CUL9: variants seen among roughly 807,000 people sequenced by gnomAD.
The protein encoded by CUL9 is cullin-9.
Under a neutral mutation model 272.6 loss-of-function variants are expected in CUL9, and 79 were observed. The observed-to-expected ratio is 0.29, with a 90% confidence interval of 0.24 to 0.35. The LOEUF is 0.35. CUL9 is among the 10% of genes least tolerant of loss of function. CUL9 has a pLI of 1.00. For missense variants in CUL9, 2,532 were observed against 3,255.6 expected (o/e 0.78, Z 5.41); for synonymous variants, 1,186 against 1,286.5 (o/e 0.92, Z 1.67).
Position 43,188,551 on chromosome 6 carries a change from T to C in CUL9, c.2016T>C (p.Gly672=). 6.2e-7 allele frequency: 1 copy of C among 1,612,514 alleles called. No individual in the cohort carries two copies. Among genetic ancestry groups the C allele is most frequent in the Non-Finnish European group, 8.5e-7 (1 of 1,179,254 alleles). The part of the protein sequence containing the change: ...SEMARALRGP[G]PRSSLDQHVA... ...TGGCCAGAGCCTTGCGGGGTCCCGGTCCTCGCAGCTCCCTGGATCAGCATG... is the reference window on the plus strand; with the variant it reads ...TGGCCAGAGCCTTGCGGGGTCCCGGCCCTCGCAGCTCCCTGGATCAGCATG... The change falls in exon 8 of 41, where the codon GGT becomes GGC. Residue 672 remains glycine, a synonymous_variant. Transcript: ENST00000252050.
intron 1 of CUL9, among the ~76,000 whole-genome samples, chr6:43,183,435 C>T (rs1408618383): frequency 1.3e-5 from 2 of 152,150 alleles, no homozygotes; most frequent in Non-Finnish European, 2.9e-5. Flanking sequence ...CATGGCCCAC[C>T]CTTTACATCC....
chr6:43,186,262 T>C lies in CUL9; in HGVS notation c.1058T>C (p.Val353Ala). Reference protein sequence around the residue: ...SGPSLLLPTIVTTPRRQGWVF... With the variant: ...SGPSLLLPTIATTPRRQGWVF... Reference sequence around the variant, plus strand: ...CCCAGCCTTTTACTCCCCACCATTGTCACCACCCCCAGAAGACAAGGGTGG... The same window carrying C: ...CCCAGCCTTTTACTCCCCACCATTGCCACCACCCCCAGAAGACAAGGGTGG... Residue 353 changes from valine (V) to alanine (A), a missense_variant, in exon 4 of 41, where the codon GTC (valine) becomes GCC (alanine). Physicochemically the swap from Val to Ala is moderately conservative, Grantham distance 64. Coordinates refer to ENST00000252050, the MANE Select transcript of CUL9 (RefSeq NM_015089.4). 1 of 1,614,192 alleles carries C rather than the reference T, an allele frequency of 6.2e-7. No individual in the cohort carries two copies. Among genetic ancestry groups the C allele is most frequent in the Non-Finnish European group, 8.5e-7 (1 of 1,180,042 alleles).
In CUL9 at chr6:43,187,455, G is replaced by A; in HGVS notation, c.1581+16G>A. The A allele has an allele frequency of 1.2e-6, 2 of 1,611,922 alleles. No individual in the cohort carries two copies. The highest frequency in any genetic ancestry group is 1.7e-6 in the Non-Finnish European group (2 of 1,178,458). Reference sequence around the variant, plus strand: ...CCTGGATGAGGTATTATAGGTCTGAGATACCTGGGGGTTTTCTAGTAGGGT... The same window carrying A: ...CCTGGATGAGGTATTATAGGTCTGAAATACCTGGGGGTTTTCTAGTAGGGT... On this transcript the variant is annotated intron_variant, in intron 6 of 40. Transcript: ENST00000252050.
chr6:43,211,689 A>G (rs1775509453), intron 26 of CUL9, among the ~76,000 whole-genome samples: 1 of 152,212 alleles, frequency 6.6e-6, no homozygotes, highest in African/African-American at 2.4e-5. Context: ...TCAAGCATAT[A>G]CAAATGTAGA....
chr6:43,194,125 C>A (rs1773779819), intron 9 of CUL9, among the ~76,000 whole-genome samples: 1 of 152,062 alleles, frequency 6.6e-6, no homozygotes, highest in Admixed American at 6.6e-5. Context: ...CAGAGGAGCT[C>A]TGTGTAGCCT....
In CUL9 at chr6:43,200,788, G is replaced by A. The variant is rs969098278; in HGVS notation, c.3601G>A (p.Gly1201Ser). Residue 1201 changes from glycine to serine, a missense_variant, in exon 16 of 41, where the codon GGC becomes AGC. This residue lies in a region of CUL9 where 2,218 missense variants were observed against 2,788.6 expected (regional missense o/e 0.80). Transcript: ENST00000252050. The surrounding 1 kb of genome is among the most constrained non-coding windows in gnomAD (Gnocchi z 4.0). Reference sequence around the variant, plus strand: ...CTACTGGGAGTCCAACGGCAGCACCGGCTCCCACTACATCACCCTGCACAT... The same window carrying A: ...CTACTGGGAGTCCAACGGCAGCACCAGCTCCCACTACATCACCCTGCACAT... ...KTYWESNGST[G>S]SHYITLHMHR... 5.0e-6 allele frequency: 8 copies of A among 1,614,134 alleles called. No homozygotes were observed. Among genetic ancestry groups the A allele is most frequent in the South Asian group, 1.1e-5 (1 of 91,076 alleles).
chr6:43,222,271 G>A (rs1432800664), intron 35 of CUL9, 45 bp from the exon 36 acceptor site: 3 of 1,541,316 alleles, frequency 1.9e-6, no homozygotes, highest in Non-Finnish European at 2.7e-6. Context: ...ACTCCCTCCT[G>A]TCCAAACAAA....
intron 9 of CUL9, among the ~76,000 whole-genome samples, chr6:43,194,471 A>C (rs925770453): frequency 5.9e-5 from 9 of 151,844 alleles, no homozygotes; most frequent in Non-Finnish European, 1.3e-4. Context: ...GGCACGTGCC[A>C]CCATGCCCAG....
Position 43,184,442 on chromosome 6 carries a change from C to T in CUL9, c.132C>T (p.Val44=). ...CTGAATACCTGATCCGATGGAGTGTCCTGAAGTGTGGGGAAGTGGGCAAAG... is the reference window on the plus strand; with the variant it reads ...CTGAATACCTGATCCGATGGAGTGTTCTGAAGTGTGGGGAAGTGGGCAAAG... The part of the protein sequence containing the change: ...GHPEYLIRWS[V]LKCGEVGKVG... The change falls in exon 2 of 41, where the codon GTC becomes GTT. Residue 44 remains valine, a synonymous_variant. Transcript: ENST00000252050. The surrounding 1 kb of genome is among the most constrained non-coding windows in gnomAD (Gnocchi z 4.8). 6.2e-7 allele frequency: 1 copy of T among 1,613,790 alleles called. No homozygotes were observed.
At chr6:43,182,490 T>G (rs926992682) in intron 1 of CUL9, among the ~76,000 whole-genome samples, 1 of 148,708 alleles carries the variant, frequency 6.7e-6, no homozygotes, top group Non-Finnish European at 1.5e-5. Context: ...GGGCTTGACC[T>G]TGCTATCTGC....
chr6:43,202,825 G>C lies in CUL9; in HGVS notation c.3753+4G>C. The C allele has an allele frequency of 1.9e-6, 3 of 1,613,552 alleles. No homozygotes were observed. The African/African-American group carries it at 4.0e-5, about 22-fold the overall frequency. Reference sequence around the variant, plus strand: ...CATCGGCACTGAGCTCAACACGGTGGGGACCCTTGTGCCCACCTTCACCTT... The same window carrying C: ...CATCGGCACTGAGCTCAACACGGTGCGGACCCTTGTGCCCACCTTCACCTT... On this transcript the variant is annotated splice_donor_region_variant and intron_variant, in intron 17 of 40. Coordinates refer to ENST00000252050, the MANE Select transcript of CUL9 (RefSeq NM_015089.4).
chr6:43,195,478 A>G (rs1044415611), intron 9 of CUL9, among the ~76,000 whole-genome samples: 5 of 152,202 alleles, frequency 3.3e-5, no homozygotes, highest in Admixed American at 3.3e-4. Context: ...GACTTGGTGT[A>G]TAGGTGGTAA....
At chr6:43,191,455 C>T (rs1205071943) in intron 8 of CUL9, among the ~76,000 whole-genome samples, 1 of 143,032 alleles carries the variant, frequency 7.0e-6, no homozygotes, top group Non-Finnish European at 1.5e-5. Flanking sequence ...TCTGGGACTA[C>T]AGGAATGAGC....
chr6:43,189,418 T>G (rs1773232758), intron 8 of CUL9, among the ~76,000 whole-genome samples: 1 of 152,184 alleles, frequency 6.6e-6, no homozygotes, highest in Non-Finnish European at 1.5e-5. Context: ...TCTTCTGACC[T>G]CGTGATCTGC....
intron 16 of CUL9, among the ~76,000 whole-genome samples, chr6:43,202,479 C>T (rs995176718): frequency 6.6e-6 from 1 of 152,146 alleles, no homozygotes; most frequent in Non-Finnish European, 1.5e-5. Flanking sequence ...GGAACAGGAG[C>T]CTGAGAAAGA....
rs1340652071 is a variant in CUL9, at chr6:43,205,043, A to G, written c.4560A>G (p.Ala1520=). Residue 1520 remains alanine, a synonymous_variant, in exon 23 of 41, where the codon GCA becomes GCG. Coordinates refer to ENST00000252050, the MANE Select transcript of CUL9 (RefSeq NM_015089.4). ...RAGSELFGPR[A]AFMLALRSGF... Reference sequence around the variant, plus strand: ...GCTCCGAGCTGTTTGGGCCTCGGGCAGCCTTCATGCTGGCTCTGCGCAGTG... The same window carrying G: ...GCTCCGAGCTGTTTGGGCCTCGGGCGGCCTTCATGCTGGCTCTGCGCAGTG... The G allele has an allele frequency of 6.2e-7, 1 of 1,612,682 alleles. No individual in the cohort carries two copies. The highest frequency in any genetic ancestry group is 1.1e-5 in the South Asian group (1 of 91,006).
At chr6:43,196,963 T>C (rs1253434462) in intron 11 of CUL9, 101 bp downstream of exon 11, 2 of 977,416 alleles carry the variant, frequency 2.0e-6, no homozygotes, top group Non-Finnish European at 3.1e-6. Context: ...CTTCAGGAAA[T>C]GAGCAAGCAT....
At chr6:43,202,997 T>A in intron 17 of CUL9, 112 bp from the exon 18 acceptor site, 1 of 1,296,484 alleles carries the variant, frequency 7.7e-7, no homozygotes, top group Non-Finnish European at 1.1e-6. Context: ...CCCTAGGCTC[T>A]GCGGGAGAAG....
At chr6:43,222,227 A>G (rs1562065252) in intron 35 of CUL9, 89 bp from the exon 36 acceptor site, 5 of 994,186 alleles carry the variant, frequency 5.0e-6, no homozygotes, top group Admixed American at 1.8e-5. Flanking sequence ...AGGTGTAGAA[A>G]GGCCTCCGTG....
Sources: gnomAD v4.1 joint callset for allele counts (sites outside exome capture counted in the v4.1 genomes callset) on GRCh38, gnomAD v4.1.1 for gene constraint, gnomAD v4.1.1 regional missense constraint, Gnocchi (gnomAD v3.1) non-coding constraint, MANE v1.5 for transcripts, NCBI Gene and HGNC (gene_info 2026-07-23, HGNC 2026-07-21) for gene names.